RNF212B: variants seen among roughly 807,000 people sequenced by gnomAD.
The protein encoded by RNF212B is E3 ubiquitin-protein ligase RNF212B.
Under a neutral mutation model 55.5 loss-of-function variants are expected in RNF212B, and 52 were observed. The ratio of observed to expected loss-of-function variants is 0.94; its 90% CI spans 0.75 to 1.18. RNF212B has a LOEUF of 1.18. Among genes scored for constraint, RNF212B ranks in the 50% most tolerant of loss-of-function variants. The pLI, the probability that RNF212B is intolerant of heterozygous loss-of-function variation, is 0.00. For synonymous variants in RNF212B, 99 were observed against 121.4 expected (o/e 0.82, Z 1.21); for missense variants, 289 against 350.4 (o/e 0.82, Z 1.40).
chr14:23,219,439 A>T (rs75935177), intron 2 of RNF212B, among the ~76,000 whole-genome samples: 3,253 of 152,108 alleles, frequency 0.021, 107 homozygotes, highest in African/African-American at 0.072. Flanking sequence ...AGCAGAGGAA[A>T]GAAGTTGAAG....
chr14:23,257,158 C>A (rs117897838), intron 4 of RNF212B, among the ~76,000 whole-genome samples: 60,198 of 150,108 alleles, frequency 0.4, 12,062 homozygotes, highest in East Asian at 0.42. Context: ...GTCACACACA[C>A]ACAAAAAAAA....
chr14:23,215,760 C>T lies in RNF212B; in HGVS notation c.-2+22359C>T, dbSNP rs184019059. ...TTTCAAACAGAAAGGAAATGATAAACGAAAGACACATGGAACACAATTAGT... is the reference window on the plus strand; with the variant it reads ...TTTCAAACAGAAAGGAAATGATAAATGAAAGACACATGGAACACAATTAGT... On this transcript the variant is annotated intron_variant, in intron 2 of 15. Transcript: ENST00000399910. 1.1e-3 allele frequency among the ~76,000 whole-genome samples: 165 copies of T among 152,060 alleles called. 1 individual carries two copies. The highest frequency in any genetic ancestry group is 1.9e-3 in the Non-Finnish European group (128 of 67,972).
At chr14:23,238,598 C>T (rs12888165) in intron 1 of RNF212B, among the ~76,000 whole-genome samples, 23,732 of 151,434 alleles carry the variant, frequency 0.16, 1,953 homozygotes, top group Non-Finnish European at 0.18. Flanking sequence ...AATAGCCAGG[C>T]GTGGTGGTGC....
chr14:23,204,114 C>T lies in RNF212B; in HGVS notation c.-2+10713C>T, dbSNP rs561103006. ...ATTTGTTTGAGTTCGTTGTAGATTC[C>T]GGATATTAGTCCTTTGTCAGATGGA... On this transcript the variant is annotated intron_variant, in intron 2 of 15. Coordinates refer to the RNF212B transcript ENST00000399910. 5.3e-5 allele frequency among the ~76,000 whole-genome samples: 8 copies of T among 152,132 alleles called. No homozygotes were observed. The East Asian group carries it at 1.2e-3, about 22-fold the overall frequency.
chr14:23,258,934 C>G (rs139223165), intron 5 of RNF212B, among the ~76,000 whole-genome samples: 15 of 151,766 alleles, frequency 9.9e-5, no homozygotes, highest in African/African-American at 3.4e-4. Context: ...ACCTGTAATC[C>G]CAGCACTTTG....
At chr14:23,234,297 C>A (rs747326916), upstream of RNF212B, among the ~76,000 whole-genome samples, 9 of 148,752 alleles carry the variant, frequency 6.1e-5, no homozygotes, top group Non-Finnish European at 1.3e-4. Context: ...CTTTACTTTT[C>A]GTGTGTGTGT....
chr14:23,245,805 T>A (rs1458084643), intron 4 of RNF212B, among the ~76,000 whole-genome samples: 2 of 152,312 alleles, frequency 1.3e-5, no homozygotes, highest in South Asian at 4.1e-4. Context: ...TGTTATATAT[T>A]TGTTGTCTGA....
At chr14:23,238,780 A>C (rs145900323) in intron 1 of RNF212B, among the ~76,000 whole-genome samples, 17,664 of 145,634 alleles carry the variant, frequency 0.12, 1,328 homozygotes, top group South Asian at 0.21. Context: ...TAATAATAAT[A>C]ATCCCACAAA....
At chr14:23,233,114 T>C (rs375425335), upstream of RNF212B, among the ~76,000 whole-genome samples, 4 of 152,184 alleles carry the variant, frequency 2.6e-5, no homozygotes, top group South Asian at 2.1e-4. Flanking sequence ...TACCCCCAAC[T>C]CTGTGCTCTC....
intron 2 of RNF212B, among the ~76,000 whole-genome samples, chr14:23,229,474 C>T (rs1000555946): frequency 6.6e-6 from 1 of 151,710 alleles, no homozygotes; most frequent in Non-Finnish European, 1.5e-5. Flanking sequence ...AAATTGCTTT[C>T]CAAAGCAGGT....
In RNF212B at chr14:23,244,315, T is replaced by G. The variant is rs1883836756; in HGVS notation, c.154-7T>G. Reference sequence around the variant, plus strand: ...TATTCTCACAGTGTGTATTGCTCTCTTCGTAGCTGAAGCCTCAGGAGAAGA... The same window carrying G: ...TATTCTCACAGTGTGTATTGCTCTCGTCGTAGCTGAAGCCTCAGGAGAAGA... On this transcript the variant is annotated splice_polypyrimidine_tract_variant and splice_region_variant and intron_variant, in intron 3 of 14. Transcript: ENST00000430154. 6.5e-7 allele frequency: 1 copy of G among 1,527,506 alleles called. No homozygotes were observed. The highest frequency in any genetic ancestry group is 8.8e-7 in the Non-Finnish European group (1 of 1,131,084). The allele number at this position is 1,527,506 out of a possible 1,614,324, so 94.6% of individuals were successfully genotyped here. A position where few individuals can be genotyped will look rare whatever the true frequency, so the allele number is the denominator to read the frequency against.
At chr14:23,249,190 T>C (rs149879870) in intron 4 of RNF212B, among the ~76,000 whole-genome samples, 1,926 of 152,304 alleles carry the variant, frequency 0.013, 46 homozygotes, top group African/African-American at 0.044. Flanking sequence ...TGGAATAAAA[T>C]CAGGTCAAGA....
intron 4 of RNF212B, among the ~76,000 whole-genome samples, chr14:23,249,859 C>G (rs1379291550): frequency 6.6e-6 from 1 of 152,136 alleles, no homozygotes; most frequent in African/African-American, 2.4e-5. Flanking sequence ...CTTTTTTCCT[C>G]AAATCTGTTC....
intron 4 of RNF212B, among the ~76,000 whole-genome samples, chr14:23,251,403 A>G (rs552861373): frequency 1.1e-4 from 16 of 152,366 alleles, no homozygotes; most frequent in African/African-American, 3.1e-4. Context: ...ACTGGCCAAC[A>G]ACAAACTTGA....
intron 1 of RNF212B, among the ~76,000 whole-genome samples, chr14:23,189,948 C>A (rs2140354126): frequency 6.6e-6 from 1 of 152,286 alleles, no homozygotes. Context: ...TCCCCATCAC[C>A]TTGTGGAATC....
At chr14:23,251,952 C>T (rs527765770) in intron 4 of RNF212B, among the ~76,000 whole-genome samples, 1 of 152,274 alleles carries the variant, frequency 6.6e-6, no homozygotes, top group East Asian at 1.9e-4. Flanking sequence ...AAGTGTTCAC[C>T]AACTTGGTAA....
intron 4 of RNF212B, among the ~76,000 whole-genome samples, chr14:23,256,843 C>A (rs973964720): frequency 6.6e-6 from 1 of 152,128 alleles, no homozygotes; most frequent in African/African-American, 2.4e-5. Context: ...TGTATTATCA[C>A]GCCTGGCTAA....
chr14:23,234,093 C>A (rs140073001), upstream of RNF212B, among the ~76,000 whole-genome samples: 1 of 151,886 alleles, frequency 6.6e-6, no homozygotes, highest in South Asian at 2.1e-4. Context: ...ACCATGTGTA[C>A]GAAGGAACAC....
upstream of RNF212B, among the ~76,000 whole-genome samples, chr14:23,234,250 A>C (rs1040803853): frequency 2.0e-5 from 3 of 150,990 alleles, no homozygotes; most frequent in African/African-American, 7.3e-5. Context: ...GCCCTTTAGG[A>C]TTTAAGTTGA....
Sources: gnomAD v4.1 joint callset for allele counts (sites outside exome capture counted in the v4.1 genomes callset) on GRCh38, gnomAD v4.1.1 for gene constraint, MANE v1.5 for transcripts, NCBI Gene and HGNC (gene_info 2026-07-23, HGNC 2026-07-21) for gene names.